RIMS3: variants seen among roughly 807,000 people sequenced by gnomAD.
RIMS3 encodes the protein regulating synaptic membrane exocytosis protein 3.
Under a neutral mutation model 29.2 loss-of-function variants are expected in RIMS3, and 15 were observed. That is an observed-to-expected ratio of 0.51 (90% CI 0.34 to 0.79). The LOEUF is 0.79. Ranked by LOEUF, RIMS3 falls within the 30% of genes least tolerant of loss-of-function variation. RIMS3 has a pLI of 0.01. For synonymous variants in RIMS3, 161 were observed against 170.1 expected (o/e 0.95, Z 0.41); for missense variants, 342 against 421.4 (o/e 0.81, Z 1.65).
rs184400630 is a variant in RIMS3 at position 40,648,300 on chromosome 1, T to C, written c.-206-458A>G. Among the ~76,000 whole-genome samples the C allele has an allele frequency of 2.1e-3, 321 of 152,236 alleles. 1 individual carries two copies. Among genetic ancestry groups the C allele is most frequent in the African/African-American group, 7.3e-3 (302 of 41,544 alleles). ...TCTCTGAACCATTCCCTCCATTCCC[T>C]CCTCTACAAAACGAGTCTAATCACC... On this transcript the variant is annotated intron_variant, in intron 1 of 7. Transcript: ENST00000372684.
the RIMS3 span, chr1:40,691,290 G>A: frequency 6.2e-6 from 1 of 160,766 alleles, no homozygotes; most frequent in Non-Finnish European, 1.4e-5. Flanking sequence ...CTACTTGAAC[G>A]GCATGCTTAA....
chr1:40,633,168 T>G lies in RIMS3; in HGVS notation c.373A>C (p.Thr125Pro), dbSNP rs773709561. The G allele has an allele frequency of 6.2e-6, 10 of 1,613,722 alleles. No individual in the cohort carries two copies. In the Admixed American group the frequency reaches 1.5e-4, roughly 24 times the overall value. ...NSSDGTFIFP[T>P]TRLGAESQFS... Reference sequence around the variant, plus strand: ...TGGCTTTCAGCCCCTAGCCGGGTAGTGGGGAAGATGAACCTGCAGGAGGAG... The same window carrying G: ...TGGCTTTCAGCCCCTAGCCGGGTAGGGGGGAAGATGAACCTGCAGGAGGAG... Residue 125 changes from threonine (T) to proline (P), a missense_variant, in exon 5 of 8, where the codon ACT (threonine) becomes CCT (proline). By Grantham distance (38) the Thr-to-Pro change is conservative. Coordinates refer to ENST00000372684, the MANE Select transcript of RIMS3 (RefSeq NM_014747.3).
the RIMS3 span, among the ~76,000 whole-genome samples, chr1:40,685,318 T>TTA: frequency 3.4e-4 from 6 of 17,640 alleles, no homozygotes; most frequent in Non-Finnish European, 7.4e-4. Context: ...ATATATATAA[T>TTA]TATTAATATA....
intron 1 of RIMS3, among the ~76,000 whole-genome samples, chr1:40,659,159 A>C (rs987676639): frequency 1.3e-5 from 2 of 152,122 alleles, no homozygotes; most frequent in Non-Finnish European, 2.9e-5. Flanking sequence ...GACATTCTCC[A>C]TGGAGACAAA....
At chr1:40,631,720 C>T (rs1557666511) in intron 5 of RIMS3, among the ~76,000 whole-genome samples, 1 of 151,808 alleles carries the variant, frequency 6.6e-6, no homozygotes. Context: ...TGGCTTATGC[C>T]TGTAATCCCG....
the RIMS3 span, among the ~76,000 whole-genome samples, chr1:40,677,948 GAAGT>G: frequency 1.3e-5 from 2 of 152,184 alleles, no homozygotes; most frequent in African/African-American, 4.8e-5. Context: ...GGAGGTCACA[GAAGT>G]AAGCTAGGTT....
the RIMS3 span, among the ~76,000 whole-genome samples, chr1:40,683,331 G>A: frequency 6.6e-6 from 1 of 152,252 alleles, no homozygotes; most frequent in Non-Finnish European, 1.5e-5. Flanking sequence ...CTTAAGAGGT[G>A]ATGAGGTCAC....
upstream of RIMS3, among the ~76,000 whole-genome samples, chr1:40,666,746 A>G (rs915009777): frequency 1.3e-5 from 2 of 152,108 alleles, no homozygotes; most frequent in African/African-American, 4.8e-5. Context: ...TGTAAATGGG[A>G]GCTGGGTGCG....
chr1:40,661,097 T>C (rs1189357230), intron 1 of RIMS3, among the ~76,000 whole-genome samples: 1 of 152,126 alleles, frequency 6.6e-6, no homozygotes, highest in Non-Finnish European at 1.5e-5. Flanking sequence ...GGTGTAAGCA[T>C]TGCTCTGCAG....
At chr1:40,681,740 G>T in the RIMS3 span, among the ~76,000 whole-genome samples, 1 of 152,174 alleles carries the variant, frequency 6.6e-6, no homozygotes, top group Non-Finnish European at 1.5e-5. Flanking sequence ...GAATTCCTCT[G>T]TGCCAGGCAA....
At chr1:40,669,562 G>C (rs966260803), upstream of RIMS3, 3 of 152,234 alleles carry the variant, frequency 2.0e-5, no homozygotes, top group African/African-American at 7.2e-5. Flanking sequence ...GGAAGCGGTG[G>C]GGGCAGTGGG....
At position 40,624,578 on chromosome 1, in the gene RIMS3, A is replaced by G. The variant is rs7520333; in HGVS notation, c.*1939T>C. 74,726 of 152,026 alleles carry G rather than the reference A, an allele frequency of 0.49. 19,493 individuals carry two copies. Among genetic ancestry groups the G allele is most frequent in the African/African-American group, 0.66 (27,429 of 41,440 alleles). 9.4% of individuals were successfully genotyped at this position (152,026 alleles called of 1,614,324 possible). On this transcript the variant is annotated 3_prime_UTR_variant, in exon 8 of 8. Transcript: ENST00000372684. ...TATAAGAATAGAGGCTCAGGCAGAGATAGGAGCCTGGGAGCTAACTCCGTT... is the reference window on the plus strand; with the variant it reads ...TATAAGAATAGAGGCTCAGGCAGAGGTAGGAGCCTGGGAGCTAACTCCGTT...
rs886823651 is a variant in RIMS3 at position 40,621,428 on chromosome 1, T to C, written c.*5089A>G. 3.9e-5 allele frequency: 6 copies of C among 152,140 alleles called. No individual in the cohort carries two copies. The highest frequency in any genetic ancestry group is 2.6e-4 in the Admixed American group (4 of 15,280). The allele number at this position is 152,140 out of a possible 1,614,324, so 9.4% of individuals were successfully genotyped here. A position where few individuals can be genotyped will look rare whatever the true frequency, so the allele number is the denominator to read the frequency against. On this transcript the variant is annotated 3_prime_UTR_variant, in exon 8 of 8. Coordinates refer to ENST00000372684, the MANE Select transcript of RIMS3 (RefSeq NM_014747.3). Reference sequence around the variant, plus strand: ...CAGAGTCTGTTAGGATTCCCAGAGTTCTTGTCTGAGGCAGCATCTGGGCAT... The same window carrying C: ...CAGAGTCTGTTAGGATTCCCAGAGTCCTTGTCTGAGGCAGCATCTGGGCAT...
the RIMS3 span, among the ~76,000 whole-genome samples, chr1:40,689,343 G>A: frequency 3.2e-4 from 49 of 152,162 alleles, no homozygotes; most frequent in African/African-American, 9.2e-4. Flanking sequence ...GTGCAGTGGC[G>A]TGATATTTGC....
chr1:40,678,565 A>G, the RIMS3 span, among the ~76,000 whole-genome samples: 1 of 152,144 alleles, frequency 6.6e-6, no homozygotes, highest in Non-Finnish European at 1.5e-5. Flanking sequence ...TCCAGAGCCC[A>G]TCCCTCTCAG....
the RIMS3 span, among the ~76,000 whole-genome samples, chr1:40,683,682 A>G: frequency 5.3e-5 from 8 of 152,366 alleles, no homozygotes; most frequent in Non-Finnish European, 2.9e-5. Context: ...GAAAAATTCA[A>G]TTTCTTGGTT....
intron 5 of RIMS3, among the ~76,000 whole-genome samples, chr1:40,631,398 G>A (rs1362257759): frequency 6.6e-6 from 1 of 152,190 alleles, no homozygotes; most frequent in Non-Finnish European, 1.5e-5. Flanking sequence ...CAAAATCCTT[G>A]GATGCTCCAG....
chr1:40,633,038 C>T lies in RIMS3; in HGVS notation c.472+31G>A, dbSNP rs200744679. 1.6e-4 allele frequency: 245 copies of T among 1,563,550 alleles called. No homozygotes were observed. The African/African-American group carries it at 3.0e-3, about 19-fold the overall frequency. Reference sequence around the variant, plus strand: ...CCTTCCTGTCGCATGGTCACCATTACCCCACTCAACCTGCCCTTAATAAGA... The same window carrying T: ...CCTTCCTGTCGCATGGTCACCATTATCCCACTCAACCTGCCCTTAATAAGA... On this transcript the variant is annotated intron_variant, in intron 5 of 7. Coordinates refer to ENST00000372684, the MANE Select transcript of RIMS3 (RefSeq NM_014747.3).
chr1:40,635,810 A>AT lies in RIMS3; in HGVS notation c.359+105dup. The AT allele has an allele frequency of 6.8e-7, 1 of 1,468,292 alleles. No individual in the cohort carries two copies. The highest frequency in any genetic ancestry group is 9.3e-7 in the Non-Finnish European group (1 of 1,076,764). The allele number at this position is 1,468,292 out of a possible 1,614,324, so 91.0% of individuals were successfully genotyped here. A position where few individuals can be genotyped will look rare whatever the true frequency, so the allele number is the denominator to read the frequency against. On this transcript the variant is annotated intron_variant, in intron 4 of 7. Coordinates refer to ENST00000372684, the MANE Select transcript of RIMS3 (RefSeq NM_014747.3). This position sits in a 1 kb window ranked among gnomAD's most constrained non-coding sequence, Gnocchi z 4.1. The stretch of plus-strand genomic sequence containing the variant: ...AGGCAGAGACACAGAGGACCCAGAC[A>AT]TTTTAGCTGGAAACAAAACAGGGAG...
Sources: allele counts gnomAD v4.1 joint callset (sites outside exome capture counted in the v4.1 genomes callset), GRCh38; gene constraint gnomAD v4.1.1; non-coding constraint Gnocchi (gnomAD v3.1); transcripts MANE v1.5; gene names NCBI Gene and HGNC (gene_info 2026-07-23, HGNC 2026-07-21).